MRTFB: variants seen among roughly 807,000 people sequenced by gnomAD.
MRTFB encodes myocardin-related transcription factor B.
In MRTFB, 29 loss-of-function variants were observed where a neutral mutation model predicts 104.2. The ratio of observed to expected loss-of-function variants is 0.28; its 90% CI spans 0.21 to 0.38. The LOEUF (loss-of-function observed/expected upper bound fraction) is 0.38, where lower values mean the gene tolerates loss of function less well. Ranked by LOEUF, MRTFB falls within the 10% of genes least tolerant of loss-of-function variation. The pLI is 1.00. For missense variants in MRTFB, 1,270 were observed against 1,341.6 expected, an observed-to-expected ratio of 0.95 and a Z score of 0.83; for synonymous variants, 535 against 519.5, an observed-to-expected ratio of 1.03 and a Z score of -0.41.
chr16:14,101,187 A>G (rs73513200), intron 2 of MRTFB, among the ~76,000 whole-genome samples: 28,877 of 146,532 alleles, frequency 0.2, 4,717 homozygotes, highest in African/African-American at 0.44. Context: ...TTCATTTCAG[A>G]TGCTGATTTG....
At chr16:14,010,110 G>A in the MRTFB span, among the ~76,000 whole-genome samples, 7 of 152,154 alleles carry the variant, frequency 4.6e-5, no homozygotes, top group Non-Finnish European at 8.8e-5. Context: ...CTGAAGGAGG[G>A]TGTGTTTGAG....
intron 3 of MRTFB, among the ~76,000 whole-genome samples, chr16:14,186,229 A>G (rs1249541380): frequency 6.6e-6 from 1 of 152,254 alleles, no homozygotes; most frequent in African/African-American, 2.4e-5. Context: ...AACACAAAGC[A>G]CACCACAAAA....
intron 3 of MRTFB, among the ~76,000 whole-genome samples, chr16:14,196,121 G>A (rs544092922): frequency 6.6e-6 from 1 of 152,302 alleles, no homozygotes; most frequent in Admixed American, 6.5e-5. Flanking sequence ...AAAAGGAGAA[G>A]GGAATTTGTG....
At chr16:14,001,631 G>A in the MRTFB span, among the ~76,000 whole-genome samples, 2 of 152,310 alleles carry the variant, frequency 1.3e-5, no homozygotes, top group African/African-American at 4.8e-5. Context: ...CCTCAGCCTC[G>A]TGTCCCACGG....
intron 3 of MRTFB, among the ~76,000 whole-genome samples, chr16:14,160,734 C>G (rs1417955589): frequency 6.6e-6 from 1 of 151,890 alleles, no homozygotes; most frequent in Non-Finnish European, 1.5e-5. Flanking sequence ...TATGGACTTA[C>G]AGATATTTTA....
chr16:14,052,406 T>C, the MRTFB span, among the ~76,000 whole-genome samples: 1 of 152,214 alleles, frequency 6.6e-6, no homozygotes, highest in Non-Finnish European at 1.5e-5. Context: ...ATCATTTATC[T>C]GTGCTGGGAA....
At chr16:14,041,349 C>T in the MRTFB span, among the ~76,000 whole-genome samples, 1 of 152,194 alleles carries the variant, frequency 6.6e-6, no homozygotes, top group Non-Finnish European at 1.5e-5. Flanking sequence ...TCCATTTCCT[C>T]CTAACCCTAG....
chr16:14,229,499 C>G (rs930256957), intron 8 of MRTFB, among the ~76,000 whole-genome samples: 1 of 152,174 alleles, frequency 6.6e-6, no homozygotes, highest in Non-Finnish European at 1.5e-5. Context: ...TTTTAAATAC[C>G]TAGTTTCTGT....
rs1257890919 is a variant in MRTFB, at chr16:14,264,386, G to A, written c.*2942G>A. On this transcript the variant is annotated 3_prime_UTR_variant, in exon 17 of 17. Coordinates refer to ENST00000571589, the MANE Select transcript of MRTFB (RefSeq NM_001308142.2). Reference sequence around the variant, plus strand: ...ATACCAAAATTTCTGTAAAGTCTTTGAAAGTCTAGGAGTAGGTGGTCATCT... The same window carrying A: ...ATACCAAAATTTCTGTAAAGTCTTTAAAAGTCTAGGAGTAGGTGGTCATCT... The A allele has an allele frequency of 6.6e-6, 1 of 152,122 alleles. No homozygotes were observed. The highest frequency in any genetic ancestry group is 1.5e-5 in the Non-Finnish European group (1 of 68,036). The allele number at this position is 152,122 out of a possible 1,614,324, so 9.4% of individuals were successfully genotyped here. A position where few individuals can be genotyped will look rare whatever the true frequency, so the allele number is the denominator to read the frequency against.
chr16:14,156,635 T>G (rs1328706333), intron 3 of MRTFB, among the ~76,000 whole-genome samples: 36 of 152,194 alleles, frequency 2.4e-4, no homozygotes, highest in Non-Finnish European at 4.4e-5. Flanking sequence ...TTTTTTAAAT[T>G]TGAAGCCTCA....
chr16:14,222,507 G>A lies in MRTFB; in HGVS notation c.693+3509G>A, dbSNP rs1454376211. 2.0e-5 allele frequency among the ~76,000 whole-genome samples: 3 copies of A among 151,286 alleles called. No individual in the cohort carries two copies. In the East Asian group the frequency reaches 5.8e-4, roughly 29 times the overall value. ...CCAAAACAATTCTTCTTCCAGTGTGGCCCAGGGAAGGCAAAAGATTGGACA... is the reference window on the plus strand; with the variant it reads ...CCAAAACAATTCTTCTTCCAGTGTGACCCAGGGAAGGCAAAAGATTGGACA... On this transcript the variant is annotated intron_variant, in intron 8 of 16. Transcript: ENST00000571589.
chr16:14,119,474 T>C (rs2097268), intron 2 of MRTFB, among the ~76,000 whole-genome samples: 44,211 of 152,120 alleles, frequency 0.29, 13,492 homozygotes, highest in African/African-American at 0.77. Context: ...TGGTTTTTCC[T>C]TTTTGATCAG....
chr16:14,140,805 C>CGAA, intron 3 of MRTFB, 45 bp downstream of exon 3: 1 of 1,610,212 alleles, frequency 6.2e-7, no homozygotes, highest in Non-Finnish European at 8.5e-7. Context: ...AAAGATTTCC[C>CGAA]CTCTTTGGGA....
At chr16:14,058,712 GTTTTTTTTTTTT>G in the MRTFB span, among the ~76,000 whole-genome samples, 2 of 86,846 alleles carry the variant, frequency 2.3e-5, no homozygotes, top group African/African-American at 4.3e-5. Context: ...ATTTGTATTT[GTTTTTTTTTTTT>G]TTTTTTTTTT....
intron 2 of MRTFB, among the ~76,000 whole-genome samples, chr16:14,109,772 T>C (rs756079669): frequency 1.3e-5 from 2 of 152,228 alleles, no homozygotes; most frequent in Non-Finnish European, 2.9e-5. Context: ...TCCTGTTTTA[T>C]TCATGAATGT....
chr16:14,211,612 C>T (rs900895697), intron 4 of MRTFB, among the ~76,000 whole-genome samples: 2 of 152,120 alleles, frequency 1.3e-5, no homozygotes, highest in Non-Finnish European at 2.9e-5. Context: ...TGATAGAATA[C>T]GGTTGTAGGT....
intron 2 of MRTFB, among the ~76,000 whole-genome samples, chr16:14,104,641 ATT>A (rs1015494425): frequency 3.3e-5 from 5 of 152,210 alleles, no homozygotes; most frequent in African/African-American, 4.8e-5. Flanking sequence ...AAAAATGAGA[ATT>A]GTTTTCGTTT....
chr16:14,164,459 G>T (rs999137700), intron 3 of MRTFB, among the ~76,000 whole-genome samples: 2 of 151,934 alleles, frequency 1.3e-5, no homozygotes, highest in Non-Finnish European at 2.9e-5. Flanking sequence ...GTGTGCGGGG[G>T]TGGGGGATGG....
chr16:14,244,457 G>A (rs962160885), intron 10 of MRTFB, among the ~76,000 whole-genome samples: 1 of 152,060 alleles, frequency 6.6e-6, no homozygotes, highest in Non-Finnish European at 1.5e-5. Flanking sequence ...TTAGTACTAC[G>A]AAAGAAAAGT....
Sources: allele counts gnomAD v4.1 joint callset (sites outside exome capture counted in the v4.1 genomes callset), GRCh38; gene constraint gnomAD v4.1.1; transcripts MANE v1.5; gene names NCBI Gene and HGNC (gene_info 2026-07-23, HGNC 2026-07-21).